CSMD3: variants seen among roughly 807,000 people sequenced by gnomAD.
The protein encoded by CSMD3 is CUB and sushi domain-containing protein 3.
CSMD3 carries 177 observed loss-of-function variants against 435.2 expected under a neutral mutation model. The ratio of observed to expected loss-of-function variants is 0.41; its 90% CI spans 0.36 to 0.46. CSMD3 has a LOEUF of 0.46. Ranked by LOEUF, CSMD3 falls within the 20% of genes least tolerant of loss-of-function variation. The probability of loss-of-function intolerance (pLI) is 0.34; values close to 1 mark genes in which losing one functional copy is unlikely to be tolerated. For synonymous variants in CSMD3, 1,656 were observed against 1,520.5 expected (o/e 1.09, Z -2.07); for missense variants, 4,265 against 4,504.6 (o/e 0.95, Z 1.52).
chr8:113,018,311 T>C (rs1206697889), intron 6 of CSMD3, among the ~76,000 whole-genome samples: 1 of 152,020 alleles, frequency 6.6e-6, no homozygotes, highest in Non-Finnish European at 1.5e-5. Context: ...GTCATCATAT[T>C]AAATTTTCGA....
intron 5 of CSMD3, among the ~76,000 whole-genome samples, chr8:113,085,788 G>T (rs1588042852): frequency 6.6e-6 from 1 of 152,278 alleles, no homozygotes; most frequent in Admixed American, 6.5e-5. Flanking sequence ...TAAGAGGAGA[G>T]TGCTAGAGAG....
At chr8:112,297,551 C>T (rs1820436581) in intron 53 of CSMD3, among the ~76,000 whole-genome samples, 2 of 151,810 alleles carry the variant, frequency 1.3e-5, no homozygotes, top group African/African-American at 4.8e-5. Context: ...AAACTGACAA[C>T]AAATTAGGAA....
intron 1 of CSMD3, among the ~76,000 whole-genome samples, chr8:113,333,437 T>C (rs572369861): frequency 1.4e-4 from 22 of 151,816 alleles, no homozygotes; most frequent in Admixed American, 1.4e-3. Context: ...TGTGATCTGT[T>C]TATTTAATTT....
At chr8:112,286,463 C>T (rs550434401) in intron 58 of CSMD3, among the ~76,000 whole-genome samples, 99 of 152,142 alleles carry the variant, frequency 6.5e-4, no homozygotes, top group African/African-American at 2.1e-3. Flanking sequence ...GATATCCACT[C>T]GTCAGTCACC....
chr8:112,692,766 G>A (rs894158579), intron 13 of CSMD3, among the ~76,000 whole-genome samples: 1 of 152,074 alleles, frequency 6.6e-6, no homozygotes, highest in Non-Finnish European at 1.5e-5. Flanking sequence ...TCCAAAAATA[G>A]GTAAGTATAG....
At chr8:112,900,810 C>T (rs74953579) in intron 10 of CSMD3, among the ~76,000 whole-genome samples, 2,409 of 151,230 alleles carry the variant, frequency 0.016, 128 homozygotes, top group Admixed American at 0.1. Context: ...CTACATGGAC[C>T]AAATTTAATG....
At chr8:112,976,182 T>C (rs749734364) in intron 6 of CSMD3, 34 bp from the exon 7 acceptor site, 29 of 1,609,780 alleles carry the variant, frequency 1.8e-5, no homozygotes, top group African/African-American at 2.7e-5. Context: ...TGCTAACTTT[T>C]TCTTTTTAAA....
chr8:112,242,863 G>A (rs1245310654), intron 65 of CSMD3, among the ~76,000 whole-genome samples: 1 of 152,058 alleles, frequency 6.6e-6, no homozygotes. Flanking sequence ...AAGGACAGCT[G>A]TTGAAGCCAC....
chr8:113,416,771 A>G (rs1563801255), intron 1 of CSMD3, among the ~76,000 whole-genome samples: 1 of 152,134 alleles, frequency 6.6e-6, no homozygotes, highest in Non-Finnish European at 1.5e-5. Flanking sequence ...TATTATTTTT[A>G]CTAAAGACTA....
At chr8:112,612,406 T>C (rs1458255863) in intron 22 of CSMD3, among the ~76,000 whole-genome samples, 2 of 152,274 alleles carry the variant, frequency 1.3e-5, no homozygotes, top group East Asian at 3.9e-4. Context: ...TAGCTTTGCA[T>C]TCTCGTCTTG....
Position 112,593,469 on chromosome 8 carries a change from T to C in CSMD3, c.3716-6234A>G, listed in dbSNP as rs909880571. On this transcript the variant is annotated intron_variant, in intron 22 of 70. Transcript: ENST00000297405. ...AGAAGACAATGAGTGGCTTTGATTA[T>C]AATGCTGATGAATGTATTTTTGCAC... 3.4e-4 allele frequency among the ~76,000 whole-genome samples: 52 copies of C among 152,198 alleles called. 1 individual carries two copies. Among genetic ancestry groups the C allele is most frequent in the African/African-American group, 8.9e-4 (37 of 41,442 alleles).
At chr8:113,279,433 G>C (rs1021137796) in intron 2 of CSMD3, among the ~76,000 whole-genome samples, 3 of 151,386 alleles carry the variant, frequency 2.0e-5, no homozygotes, top group African/African-American at 7.3e-5. Context: ...AAATCATTTT[G>C]TATACAATTT....
In CSMD3 at chr8:112,287,086, G is replaced by T. The variant is rs781037692; in HGVS notation, c.9309C>A (p.Thr3103=). ...TACCTTTGCACTCTGGCTGCCTTCC[G>T]GTCCAACTGCCATTAGCTAAACATG... ...ERTCLANGSW[T]GRQPECKAVQ... The change falls in exon 58 of 71, where the codon ACC becomes ACA. Residue 3103 remains threonine (T), a synonymous_variant. Transcript: ENST00000297405. The T allele has an allele frequency of 1.2e-6, 2 of 1,613,478 alleles. No homozygotes were observed. Among genetic ancestry groups the T allele is most frequent in the Middle Eastern group, 1.7e-4 (1 of 6,058 alleles).
At chr8:112,379,792 A>G (rs1829303482) in intron 38 of CSMD3, among the ~76,000 whole-genome samples, 1 of 152,242 alleles carries the variant, frequency 6.6e-6, no homozygotes, top group Non-Finnish European at 1.5e-5. Context: ...TTACCAAAAC[A>G]GTGTAGTACC....
chr8:113,313,814 T>A (rs918829099), intron 2 of CSMD3: 1 of 152,186 alleles, frequency 6.6e-6, no homozygotes, highest in Non-Finnish European at 1.5e-5. Flanking sequence ...GGCATAAATC[T>A]AGGACTAAAT....
intron 9 of CSMD3, among the ~76,000 whole-genome samples, chr8:112,941,354 C>A (rs2083445930): frequency 6.6e-6 from 1 of 151,630 alleles, no homozygotes; most frequent in Admixed American, 6.6e-5. Context: ...TATAAGTAGG[C>A]GACAGGAAAG....
intron 3 of CSMD3, among the ~76,000 whole-genome samples, chr8:113,219,693 A>T (rs1240855654): frequency 1.3e-5 from 2 of 151,484 alleles, no homozygotes; most frequent in African/African-American, 4.8e-5. Context: ...AAAGCTATAT[A>T]ATAACTGAAG....
At chr8:112,901,044 G>T (rs2082097653) in intron 10 of CSMD3, among the ~76,000 whole-genome samples, 1 of 151,280 alleles carries the variant, frequency 6.6e-6, no homozygotes, top group Admixed American at 6.6e-5. Context: ...AGAGGTGGCA[G>T]AAGTTTCTAC....
intron 6 of CSMD3, among the ~76,000 whole-genome samples, chr8:113,015,902 ACAC>A (rs1353627080): frequency 1.3e-5 from 2 of 151,888 alleles, no homozygotes; most frequent in Non-Finnish European, 2.9e-5. Context: ...GGACTTCCAA[ACAC>A]CACAATTAAA....
Sources: gnomAD v4.1 joint callset for allele counts (sites outside exome capture counted in the v4.1 genomes callset) on GRCh38, gnomAD v4.1.1 for gene constraint, MANE v1.5 for transcripts, NCBI Gene and HGNC (gene_info 2026-07-23, HGNC 2026-07-21) for gene names.